Variants in PTPRQ observed in about 807,000 individuals in gnomAD.
PTPRQ encodes the protein phosphatidylinositol phosphatase PTPRQ.
PTPRQ carries 199 observed loss-of-function variants against 246.0 expected under a neutral mutation model. The ratio of observed to expected loss-of-function variants is 0.81; its 90% CI spans 0.72 to 0.91. The LOEUF (loss-of-function observed/expected upper bound fraction) is 0.91, where lower values mean the gene tolerates loss of function less well. PTPRQ is among the 40% of genes least tolerant of loss of function. The pLI, the probability that PTPRQ is intolerant of heterozygous loss-of-function variation, is 0.00. For missense variants in PTPRQ, 2,624 were observed against 2,528.4 expected, an observed-to-expected ratio of 1.04 and a Z score of -0.81; for synonymous variants, 869 against 853.2, an observed-to-expected ratio of 1.02 and a Z score of -0.32.
At chr12:80,488,313 A>G (rs930202795) in intron 9 of PTPRQ, among the ~76,000 whole-genome samples, 1 of 151,990 alleles carries the variant, frequency 6.6e-6, no homozygotes, top group Non-Finnish European at 1.5e-5. Flanking sequence ...TATCTACCTG[A>G]GAGGCCATGC....
At chr12:80,608,871 A>AT (rs1898437697) in intron 27 of PTPRQ, among the ~76,000 whole-genome samples, 1 of 150,528 alleles carries the variant, frequency 6.6e-6, no homozygotes, top group Admixed American at 6.6e-5. Context: ...TCTCAATAAT[A>AT]TTTTTTCAGC....
At chr12:80,480,818 A>C (rs967199032) in intron 8 of PTPRQ, among the ~76,000 whole-genome samples, 1 of 152,198 alleles carries the variant, frequency 6.6e-6, no homozygotes, top group Admixed American at 6.5e-5. Context: ...CCCAAGACTA[A>C]ACCAGGAAGA....
At chr12:80,450,659 T>C (rs1238825783) in intron 3 of PTPRQ, among the ~76,000 whole-genome samples, 1 of 152,232 alleles carries the variant, frequency 6.6e-6, no homozygotes, top group Non-Finnish European at 1.5e-5. Context: ...TCTTTGATTT[T>C]GTTTATGTGC....
rs369840246 is a variant in PTPRQ, at chr12:80,478,648, T to C, written c.1187-5785T>C. Among the ~76,000 whole-genome samples the C allele has an allele frequency of 9.9e-5, 15 of 152,144 alleles. No individual in the cohort carries two copies. The East Asian group carries it at 2.9e-3, about 29-fold the overall frequency. On this transcript the variant is annotated intron_variant, in intron 8 of 44. Coordinates refer to ENST00000644991, the MANE Select transcript of PTPRQ (RefSeq NM_001145026.2). ...TGTGAAAAAAATTTAGAAGAATGTA[T>C]AACTAGAATAACCAATACAGAGAAG...
chr12:80,567,920 T>C (rs1418405404), intron 25 of PTPRQ, among the ~76,000 whole-genome samples: 2 of 152,170 alleles, frequency 1.3e-5, no homozygotes, highest in Non-Finnish European at 2.9e-5. Context: ...GGTGTTATAA[T>C]ATTAGCCCTG....
Position 80,475,990 on chromosome 12 carries a change from T to C in PTPRQ, c.1186+3739T>C, listed in dbSNP as rs189136304. ...TGACTTGAACTGATCATTTCACTTATCTTTCAATAGGCAGGGTTTAGTTGC... is the reference window on the plus strand; with the variant it reads ...TGACTTGAACTGATCATTTCACTTACCTTTCAATAGGCAGGGTTTAGTTGC... On this transcript the variant is annotated intron_variant, in intron 8 of 44. Transcript: ENST00000644991. Among the ~76,000 whole-genome samples the C allele has an allele frequency of 2.1e-3, 316 of 152,132 alleles. 3 individuals carry two copies. Among genetic ancestry groups the C allele is most frequent in the African/African-American group, 7.1e-3 (294 of 41,542 alleles).
chr12:80,550,404 T>G (rs536874717), intron 25 of PTPRQ, among the ~76,000 whole-genome samples: 4 of 152,144 alleles, frequency 2.6e-5, no homozygotes, highest in Non-Finnish European at 5.9e-5. Flanking sequence ...CCCTTTATCT[T>G]GGAAACGTCT....
intron 26 of PTPRQ, among the ~76,000 whole-genome samples, chr12:80,596,420 TG>T (rs1399588099): frequency 2.0e-5 from 3 of 151,668 alleles, no homozygotes; most frequent in Non-Finnish European, 4.4e-5. Flanking sequence ...AGATTATCAC[TG>T]TTTTTTTTTA....
chr12:80,648,893 G>T lies in PTPRQ; in HGVS notation c.5916-4G>T. 1.3e-6 allele frequency: 2 copies of T among 1,528,804 alleles called. No homozygotes were observed. The highest frequency in any genetic ancestry group is 1.8e-6 in the Non-Finnish European group (2 of 1,137,498). The allele number at this position is 1,528,804 out of a possible 1,614,324, so 94.7% of individuals were successfully genotyped here. A position where few individuals can be genotyped will look rare whatever the true frequency, so the allele number is the denominator to read the frequency against. The stretch of plus-strand genomic sequence containing the variant: ...CAATGCATTTAACACAATCTCTATT[G>T]CAGGTTACTTAGTTATAGAAAATCC... On this transcript the variant is annotated splice_polypyrimidine_tract_variant and splice_region_variant and intron_variant, in intron 35 of 44. Transcript: ENST00000644991.
At chr12:80,536,340 T>A (rs1304364475) in intron 19 of PTPRQ, among the ~76,000 whole-genome samples, 1 of 152,214 alleles carries the variant, frequency 6.6e-6, no homozygotes, top group Non-Finnish European at 1.5e-5. Context: ...TAACAGCCTC[T>A]GTAATTAAGA....
chr12:80,629,600 G>A (rs1317012713), intron 33 of PTPRQ, among the ~76,000 whole-genome samples: 2 of 152,032 alleles, frequency 1.3e-5, no homozygotes, highest in South Asian at 2.1e-4. Context: ...GGTAACAGGG[G>A]ACCAGACAGT....
chr12:80,678,006 A>G (rs1313228684), intron 43 of PTPRQ, among the ~76,000 whole-genome samples: 1 of 152,162 alleles, frequency 6.6e-6, no homozygotes, highest in East Asian at 1.9e-4. Context: ...AATTTAGCCC[A>G]AACATTCAGA....
At chr12:80,570,621 C>T (rs1026558420) in intron 25 of PTPRQ, among the ~76,000 whole-genome samples, 58 of 152,108 alleles carry the variant, frequency 3.8e-4, no homozygotes, top group African/African-American at 1.3e-3. Context: ...GCTTCTGTTG[C>T]CATTGCTTTT....
At chr12:80,644,914 T>A (rs1443679578) in intron 35 of PTPRQ, among the ~76,000 whole-genome samples, 3 of 152,068 alleles carry the variant, frequency 2.0e-5, no homozygotes, top group Non-Finnish European at 4.4e-5. Flanking sequence ...TTATTTGAAA[T>A]AGTCAGGTAA....
intron 26 of PTPRQ, among the ~76,000 whole-genome samples, chr12:80,601,429 G>A (rs538227229): frequency 7.2e-5 from 11 of 151,884 alleles, no homozygotes; most frequent in Admixed American, 6.6e-4. Flanking sequence ...ACCTGTATGA[G>A]CTTTTTGTCC....
chr12:80,542,714 A>T lies in PTPRQ; in HGVS notation c.3722-16A>T, dbSNP rs983125911. The T allele has an allele frequency of 5.2e-6, 8 of 1,525,138 alleles. No homozygotes were observed. Among genetic ancestry groups the T allele is most frequent in the Non-Finnish European group, 6.1e-6 (7 of 1,138,766 alleles). The allele number at this position is 1,525,138 out of a possible 1,614,324, so 94.5% of individuals were successfully genotyped here. Reference sequence around the variant, plus strand: ...AAGTTTTATGAATGTAAGTTTCTTCATGTGTTTTCCTACAGTGCCGTTAGC... The same window carrying T: ...AAGTTTTATGAATGTAAGTTTCTTCTTGTGTTTTCCTACAGTGCCGTTAGC... On this transcript the variant is annotated splice_polypyrimidine_tract_variant and intron_variant, in intron 22 of 44. Transcript: ENST00000644991.
intron 35 of PTPRQ, among the ~76,000 whole-genome samples, chr12:80,644,849 C>T (rs1163029): frequency 0.018 from 2,769 of 152,020 alleles, 71 homozygotes; most frequent in African/African-American, 0.064. Context: ...AGGCTAAGAA[C>T]GAAAGCAATG....
rs112345069 is a variant in PTPRQ at position 80,680,165 on chromosome 12, A to G, written c.*1142A>G. 1.3e-5 allele frequency: 2 copies of G among 151,748 alleles called. No homozygotes were observed. The highest frequency in any genetic ancestry group is 4.8e-5 in the African/African-American group (2 of 41,404). 9.4% of individuals were successfully genotyped at this position (151,748 alleles called of 1,614,324 possible). On this transcript the variant is annotated 3_prime_UTR_variant, in exon 45 of 45. Coordinates refer to ENST00000644991, the MANE Select transcript of PTPRQ (RefSeq NM_001145026.2). ...CATAGATTTCAATTAAGAGTAATAA[A>G]TAGTATTAATTATTCTCTTCTATGA...
intron 26 of PTPRQ, among the ~76,000 whole-genome samples, chr12:80,599,605 TAAA>T (rs1198746196): frequency 2.6e-5 from 4 of 151,862 alleles, no homozygotes; most frequent in African/African-American, 4.8e-5. Flanking sequence ...TATGCTGTGA[TAAA>T]AGGGAAAATG....
Sources: gnomAD v4.1 joint callset for allele counts (sites outside exome capture counted in the v4.1 genomes callset) on GRCh38, gnomAD v4.1.1 for gene constraint, MANE v1.5 for transcripts, NCBI Gene and HGNC (gene_info 2026-07-23, HGNC 2026-07-21) for gene names.